GRM7: variants seen among roughly 807,000 people sequenced by gnomAD.
GRM7 encodes metabotropic glutamate receptor 7.
In GRM7, 35 loss-of-function variants were observed where a neutral mutation model predicts 84.5. The observed-to-expected ratio is 0.41, with a 90% CI of 0.32 to 0.55. The LOEUF is 0.55. Ranked by LOEUF, GRM7 falls within the 20% of genes least tolerant of loss-of-function variation. The pLI is 0.19. For missense variants in GRM7, 1,003 were observed against 1,194.6 expected (o/e 0.84, Z 2.36); for synonymous variants, 487 against 455.1 (o/e 1.07, Z -0.89).
chr3:7,611,284 A>C (rs188126058), intron 8 of GRM7, among the ~76,000 whole-genome samples: 1 of 152,240 alleles, frequency 6.6e-6, no homozygotes, highest in African/African-American at 2.4e-5. Context: ...ATTATATGAA[A>C]CCGTTGCCGT....
chr3:7,209,551 T>A (rs1696351306), intron 2 of GRM7, among the ~76,000 whole-genome samples: 1 of 152,156 alleles, frequency 6.6e-6, no homozygotes, highest in South Asian at 2.1e-4. Flanking sequence ...TAAAAGAAGA[T>A]GCAGTTCAGA....
chr3:7,547,420 A>G (rs1007556888), intron 7 of GRM7, among the ~76,000 whole-genome samples: 19 of 151,960 alleles, frequency 1.3e-4, no homozygotes, highest in African/African-American at 3.6e-4. Context: ...GTTAGCCAGG[A>G]TGGTCTCGAT....
chr3:7,699,594 C>A (rs1302141072), intron 9 of GRM7, among the ~76,000 whole-genome samples: 2 of 152,128 alleles, frequency 1.3e-5, no homozygotes, highest in Non-Finnish European at 2.9e-5. Flanking sequence ...TAAAATTCAT[C>A]CATTTTCAAA....
intron 4 of GRM7, 53 bp from the exon 5 acceptor site, chr3:7,414,970 A>T: frequency 7.0e-7 from 1 of 1,420,392 alleles, no homozygotes; most frequent in Non-Finnish European, 9.5e-7. Context: ...TTTATTTCTG[A>T]ATGTGCCAGC....
intron 8 of GRM7, among the ~76,000 whole-genome samples, chr3:7,632,540 A>G (rs1697904154): frequency 6.6e-6 from 1 of 152,242 alleles, no homozygotes; most frequent in Non-Finnish European, 1.5e-5. Flanking sequence ...AGCCATCTGA[A>G]TATTGCCTTG....
chr3:6,947,587 T>A (rs2125064680), intron 1 of GRM7, among the ~76,000 whole-genome samples: 1 of 152,306 alleles, frequency 6.6e-6, no homozygotes, highest in East Asian at 1.9e-4. Context: ...TTAGGGAGGA[T>A]TCCCTCTTTT....
Position 7,305,343 on chromosome 3 carries a change from CT to C in GRM7, c.879-1140del, listed in dbSNP as rs1258984449. On this transcript the variant is annotated intron_variant, in intron 3 of 9. Coordinates refer to ENST00000357716, the MANE Select transcript of GRM7 (RefSeq NM_000844.4). ...CCTATGCTGCTGCTTTTTTTTTTTTCTTTTTTTTTTTTTTTAATTATACTTT... is the reference window on the plus strand; with the variant it reads ...CCTATGCTGCTGCTTTTTTTTTTTTCTTTTTTTTTTTTTTAATTATACTTT... 5.7e-3 allele frequency among the ~76,000 whole-genome samples: 198 copies of C among 35,016 alleles called. 16 individuals carry two copies. Among genetic ancestry groups the C allele is most frequent in the East Asian group, 0.017 (22 of 1,288 alleles). The allele number at this position is 35,016 out of a possible 152,430, so 23.0% of individuals were successfully genotyped here.
chr3:7,091,277 T>C (rs1698654967), intron 1 of GRM7, among the ~76,000 whole-genome samples: 1 of 151,972 alleles, frequency 6.6e-6, no homozygotes, highest in African/African-American at 2.4e-5. Flanking sequence ...TAAATGTTGA[T>C]AACTAAAGGC....
intron 2 of GRM7, among the ~76,000 whole-genome samples, chr3:7,191,031 T>C (rs1695694128): frequency 6.6e-6 from 1 of 152,318 alleles, no homozygotes; most frequent in Admixed American, 6.5e-5. Flanking sequence ...TGCTAATTTT[T>C]CAATATAACA....
chr3:7,500,061 C>T (rs923534566), intron 7 of GRM7, among the ~76,000 whole-genome samples: 2 of 152,114 alleles, frequency 1.3e-5, no homozygotes, highest in African/African-American at 4.8e-5. Context: ...GGCATGGACA[C>T]CATTCTTTCT....
chr3:7,594,216 TA>T (rs957833302), intron 8 of GRM7, among the ~76,000 whole-genome samples: 4 of 152,154 alleles, frequency 2.6e-5, no homozygotes, highest in Admixed American at 1.3e-4. Context: ...CTAGGCTTTT[TA>T]AAAAAATCCC....
chr3:7,654,061 T>C (rs931896681), intron 8 of GRM7, among the ~76,000 whole-genome samples: 1 of 150,150 alleles, frequency 6.7e-6, no homozygotes. Flanking sequence ...TGATAGCTAA[T>C]AGCTGTCCTA....
chr3:7,071,814 GTGT>G (rs1354044898), intron 1 of GRM7, among the ~76,000 whole-genome samples: 2 of 152,062 alleles, frequency 1.3e-5, no homozygotes, highest in East Asian at 3.9e-4. Flanking sequence ...GGTGAAGTTA[GTGT>G]TGAAGTCCTA....
chr3:7,093,667 ACT>A (rs1482757453), intron 1 of GRM7, among the ~76,000 whole-genome samples: 2 of 122,278 alleles, frequency 1.6e-5, no homozygotes, highest in Non-Finnish European at 3.2e-5. Context: ...ATAGAGCAAG[ACT>A]CTGTCTCAAA....
intron 1 of GRM7, among the ~76,000 whole-genome samples, chr3:6,872,526 A>G (rs958693046): frequency 9.9e-5 from 15 of 152,128 alleles, no homozygotes; most frequent in Admixed American, 5.2e-4. Flanking sequence ...GGTTTGTTAC[A>G]TAGGTATACA....
intron 5 of GRM7, among the ~76,000 whole-genome samples, chr3:7,434,638 C>G (rs529894961): frequency 3.3e-5 from 5 of 152,196 alleles, no homozygotes; most frequent in African/African-American, 1.2e-4. Flanking sequence ...CTAGGATAAA[C>G]CATACCTGAT....
At chr3:7,409,879 C>T (rs1162256215) in intron 4 of GRM7, among the ~76,000 whole-genome samples, 6 of 152,160 alleles carry the variant, frequency 3.9e-5, no homozygotes, top group African/African-American at 1.2e-4. Flanking sequence ...GGATTACAGG[C>T]GTGAGCCACT....
chr3:7,465,822 A>G (rs560228134), intron 7 of GRM7, among the ~76,000 whole-genome samples: 1 of 152,166 alleles, frequency 6.6e-6, no homozygotes, highest in East Asian at 1.9e-4. Flanking sequence ...GGTTTTTAGA[A>G]TCCCAGCTCT....
chr3:7,646,911 T>G (rs1698672176), intron 8 of GRM7, among the ~76,000 whole-genome samples: 1 of 152,188 alleles, frequency 6.6e-6, no homozygotes, highest in Non-Finnish European at 1.5e-5. Flanking sequence ...GAGGTCATTC[T>G]CAGGGGCTGA....
Sources: gnomAD v4.1 joint callset for allele counts (sites outside exome capture counted in the v4.1 genomes callset) on GRCh38, gnomAD v4.1.1 for gene constraint, MANE v1.5 for transcripts, NCBI Gene and HGNC (gene_info 2026-07-23, HGNC 2026-07-21) for gene names.